Variants in ERC2 observed in about 807,000 individuals in gnomAD.
ERC2 encodes the protein ELKS/RAB6-interacting/CAST family member 2, also known as ERC protein 2.
In ERC2, 42 loss-of-function variants were observed where a neutral mutation model predicts 114.8. The observed-to-expected ratio is 0.37, with a 90% CI of 0.29 to 0.47. The LOEUF is 0.47. Ranked by LOEUF, ERC2 falls within the 20% of genes least tolerant of loss-of-function variation. The pLI is 0.99. For missense variants in ERC2, 939 were observed against 1,150.7 expected, an observed-to-expected ratio of 0.82 and a Z score of 2.66; for synonymous variants, 454 against 425.5, an observed-to-expected ratio of 1.07 and a Z score of -0.82.
At chr3:55,998,791 GC>G (rs1559998852) in intron 10 of ERC2, among the ~76,000 whole-genome samples, 1 of 152,132 alleles carries the variant, frequency 6.6e-6, no homozygotes, top group Non-Finnish European at 1.5e-5. Flanking sequence ...AAACATGCCT[GC>G]TTTTTGGCTT....
rs760752650 is a variant in ERC2 at position 55,547,085 on chromosome 3, T to A, written c.*40-35809A>T. On this transcript the variant is annotated intron_variant, in intron 17 of 17. Coordinates refer to ENST00000288221, the MANE Select transcript of ERC2 (RefSeq NM_015576.3). ...GCAAAACGAGAATGGTAATAGCGTATCTCTGTAGGGGCGTTAGCAAAGACA... is the reference window on the plus strand; with the variant it reads ...GCAAAACGAGAATGGTAATAGCGTAACTCTGTAGGGGCGTTAGCAAAGACA... Among the ~76,000 whole-genome samples the A allele has an allele frequency of 4.7e-4, 72 of 152,352 alleles. 1 individual carries two copies. The highest frequency in any genetic ancestry group is 9.4e-4 in the Non-Finnish European group (64 of 68,022).
chr3:56,330,190 C>T (rs1331264657), intron 2 of ERC2, among the ~76,000 whole-genome samples: 1 of 151,980 alleles, frequency 6.6e-6, no homozygotes, highest in Non-Finnish European at 1.5e-5. Flanking sequence ...CATGCCACCA[C>T]AGCTGGCTAA....
intron 2 of ERC2, among the ~76,000 whole-genome samples, chr3:56,418,275 G>A (rs1465137492): frequency 1.4e-5 from 2 of 145,846 alleles, no homozygotes; most frequent in African/African-American, 5.1e-5. Context: ...CAGCCTGGGT[G>A]ATGGAGCGAG....
intron 4 of ERC2, among the ~76,000 whole-genome samples, chr3:56,150,795 T>A (rs969433370): frequency 2.0e-5 from 3 of 152,222 alleles, no homozygotes; most frequent in South Asian, 2.1e-4. Context: ...ATGGACTGAA[T>A]GTTGAGTTCC....
At chr3:56,441,796 C>T (rs1294655814) in intron 1 of ERC2, among the ~76,000 whole-genome samples, 1 of 152,236 alleles carries the variant, frequency 6.6e-6, no homozygotes, top group Non-Finnish European at 1.5e-5. Flanking sequence ...ATCCACACGC[C>T]TCGGCCTCCC....
chr3:55,969,898 C>T (rs942021450), intron 12 of ERC2, among the ~76,000 whole-genome samples: 1 of 152,138 alleles, frequency 6.6e-6, no homozygotes, highest in Non-Finnish European at 1.5e-5. Flanking sequence ...AGGCCATACC[C>T]TGAGCATTTA....
At chr3:55,653,917 G>T (rs1432871153) in intron 17 of ERC2, among the ~76,000 whole-genome samples, 1 of 152,156 alleles carries the variant, frequency 6.6e-6, no homozygotes, top group African/African-American at 2.4e-5. Context: ...CTCATGGCTG[G>T]CTAAGCCAGC....
chr3:55,729,488 C>T (rs1016727148), intron 15 of ERC2, among the ~76,000 whole-genome samples: 2 of 152,208 alleles, frequency 1.3e-5, no homozygotes, highest in South Asian at 2.1e-4. Flanking sequence ...TTCTTCTTTT[C>T]TACCATACAA....
chr3:56,102,934 T>C (rs569628576), intron 6 of ERC2, among the ~76,000 whole-genome samples: 198 of 152,342 alleles, frequency 1.3e-3, no homozygotes, highest in African/African-American at 4.5e-3. Flanking sequence ...AGTTCCACGC[T>C]CTGTTGCTGA....
intron 15 of ERC2, among the ~76,000 whole-genome samples, chr3:55,729,837 CAAAAAAAAAAA>C (rs71096498): frequency 1.9e-4 from 12 of 61,630 alleles, no homozygotes; most frequent in South Asian, 6.8e-4. Flanking sequence ...GACTCTATCG[CAAAAAAAAAAA>C]AAAAAAAAAA....
chr3:56,011,934 A>G (rs959727208), intron 8 of ERC2, among the ~76,000 whole-genome samples: 5 of 152,194 alleles, frequency 3.3e-5, no homozygotes, highest in African/African-American at 1.2e-4. Flanking sequence ...CCCACTGACA[A>G]TAATTTATAT....
chr3:56,269,457 C>T (rs1302543148), intron 3 of ERC2, among the ~76,000 whole-genome samples: 3 of 152,158 alleles, frequency 2.0e-5, no homozygotes, highest in Admixed American at 2.0e-4. Flanking sequence ...TTTTAACAAG[C>T]TTGGCAATCT....
chr3:56,379,037 C>T (rs1029346825), intron 2 of ERC2, among the ~76,000 whole-genome samples: 4 of 152,192 alleles, frequency 2.6e-5, no homozygotes, highest in Non-Finnish European at 5.9e-5. Context: ...AGTGTTTTCG[C>T]AACATGTAAT....
chr3:56,355,470 A>G (rs2058714046), intron 2 of ERC2, among the ~76,000 whole-genome samples: 1 of 151,830 alleles, frequency 6.6e-6, no homozygotes, highest in South Asian at 2.1e-4. Context: ...AGGCATGCAC[A>G]TCATGCTCGG....
intron 14 of ERC2, among the ~76,000 whole-genome samples, chr3:55,824,114 C>T (rs2060233618): frequency 6.6e-6 from 1 of 152,122 alleles, no homozygotes; most frequent in African/African-American, 2.4e-5. Context: ...GATTAGGGCC[C>T]TCCTGAACAA....
intron 15 of ERC2, among the ~76,000 whole-genome samples, chr3:55,725,750 T>C (rs1845667): frequency 0.53 from 80,797 of 152,114 alleles, 22,376 homozygotes; most frequent in South Asian, 0.71. Context: ...TCAGGTCAGC[T>C]TGATGCTCTG....
rs2062345856 is a variant in ERC2, at chr3:55,866,938, G to A, written c.2564+21451C>T. The stretch of plus-strand genomic sequence containing the variant: ...CTTGGATATCTTTTATGATATAAAA[G>A]ATGGTTATATAATTTTATATAATAT... On this transcript the variant is annotated intron_variant, in intron 14 of 17. Transcript: ENST00000288221. Among the ~76,000 whole-genome samples, 3 of 152,160 alleles carry A rather than the reference G, an allele frequency of 2.0e-5. No individual in the cohort carries two copies. The South Asian group carries it at 6.2e-4, about 32-fold the overall frequency.
At chr3:55,850,280 T>G (rs1245731483) in intron 14 of ERC2, among the ~76,000 whole-genome samples, 2 of 152,204 alleles carry the variant, frequency 1.3e-5, no homozygotes, top group Non-Finnish European at 2.9e-5. Context: ...AGACCCTTAT[T>G]CTGAATAAAG....
At chr3:56,134,566 T>C (rs2080385217) in intron 6 of ERC2, among the ~76,000 whole-genome samples, 1 of 149,450 alleles carries the variant, frequency 6.7e-6, no homozygotes, top group South Asian at 2.1e-4. Flanking sequence ...CCCATGTGGA[T>C]TTTTTTTTTG....
Sources: gnomAD v4.1 joint callset for allele counts (sites outside exome capture counted in the v4.1 genomes callset) on GRCh38, gnomAD v4.1.1 for gene constraint, MANE v1.5 for transcripts, NCBI Gene and HGNC (gene_info 2026-07-23, HGNC 2026-07-21) for gene names.